Variants in SMIM10L3 observed in about 807,000 individuals in gnomAD.
The protein encoded by SMIM10L3 is salivary gland specific protein SAGSIN1.
the SMIM10L3 span, chr7:6,330,006 TGGGTG>T: frequency 4.2e-6 from 1 of 236,328 alleles, no homozygotes; most frequent in Non-Finnish European, 8.9e-6. Flanking sequence ...CCACTTCCAT[TGGGTG>T]ATCAGACAAG....
the SMIM10L3 span, among the ~76,000 whole-genome samples, chr7:6,346,286 G>A: frequency 6.6e-6 from 1 of 152,038 alleles, no homozygotes; most frequent in Non-Finnish European, 1.5e-5. Context: ...CCTCTAATCA[G>A]GTATAATTTC....
At chr7:6,334,265 G>A in the SMIM10L3 span, among the ~76,000 whole-genome samples, 1 of 151,482 alleles carries the variant, frequency 6.6e-6, no homozygotes, top group Non-Finnish European at 1.5e-5. Flanking sequence ...GCTGGGCGCA[G>A]TGGCTCACGC....
chr7:6,330,011 G>GGTCGCCGCATCATTAAAAAA, the SMIM10L3 span: 1 of 244,150 alleles, frequency 4.1e-6, no homozygotes, highest in Non-Finnish European at 8.5e-6. Context: ...TCCATTGGGT[G>GGTCGCCGCATCATTAAAAAA]ATCAGACAAG....
chr7:6,331,336 T>C, the SMIM10L3 span: 4 of 650,508 alleles, frequency 6.1e-6, no homozygotes, highest in Admixed American at 5.9e-5. Flanking sequence ...GAGATCTTTA[T>C]GACAGTCTCC....
chr7:6,342,983 G>A, the SMIM10L3 span, among the ~76,000 whole-genome samples: 1 of 151,528 alleles, frequency 6.6e-6, no homozygotes, highest in Non-Finnish European at 1.5e-5. Context: ...GCTGTAGTGA[G>A]CTATGATCGC....
chr7:6,348,505 G>C, the SMIM10L3 span: 1 of 411,804 alleles, frequency 2.4e-6, no homozygotes, highest in Non-Finnish European at 4.3e-6. Context: ...CTGCCGTGGC[G>C]TCTGCATCCC....
the SMIM10L3 span, among the ~76,000 whole-genome samples, chr7:6,342,336 G>A: frequency 8.6e-5 from 13 of 151,980 alleles, no homozygotes; most frequent in African/African-American, 2.9e-4. Flanking sequence ...CTTGAGCCCA[G>A]GAGCTGGAGA....
chr7:6,341,687 C>CAAA, the SMIM10L3 span, among the ~76,000 whole-genome samples: 60 of 110,712 alleles, frequency 5.4e-4, no homozygotes, highest in Non-Finnish European at 9.3e-4. Context: ...AAGACTCTGT[C>CAAA]AAAAAAAAAA....
At chr7:6,340,235 C>T in the SMIM10L3 span, among the ~76,000 whole-genome samples, 7 of 152,132 alleles carry the variant, frequency 4.6e-5, no homozygotes, top group African/African-American at 1.7e-4. Flanking sequence ...CCAGAATCTT[C>T]TCTGACTACT....
chr7:6,331,142 T>C, the SMIM10L3 span: 1 of 1,612,354 alleles, frequency 6.2e-7, no homozygotes, highest in South Asian at 1.1e-5. Context: ...AGGGGCCCTC[T>C]TCTGTCCCTC....
the SMIM10L3 span, among the ~76,000 whole-genome samples, chr7:6,340,964 C>T: frequency 2.1e-4 from 8 of 38,842 alleles, no homozygotes; most frequent in South Asian, 3.0e-3. Flanking sequence ...CCTGTCTCTA[C>T]TAAAAAAAAA....
At chr7:6,344,168 G>A in the SMIM10L3 span, among the ~76,000 whole-genome samples, 1 of 150,670 alleles carries the variant, frequency 6.6e-6, no homozygotes, top group Non-Finnish European at 1.5e-5. Context: ...AAAAAGGCGT[G>A]GGGCTGTCCC....
chr7:6,346,426 G>A, the SMIM10L3 span, among the ~76,000 whole-genome samples: 1 of 152,138 alleles, frequency 6.6e-6, no homozygotes, highest in Non-Finnish European at 1.5e-5. Flanking sequence ...GAGTGCAGTG[G>A]CACAATCTCG....
the SMIM10L3 span, among the ~76,000 whole-genome samples, chr7:6,333,550 G>A: frequency 6.6e-6 from 1 of 152,236 alleles, no homozygotes; most frequent in South Asian, 2.1e-4. Context: ...CCAGGCTGGA[G>A]GACAATGGCG....
At chr7:6,330,271 G>A in the SMIM10L3 span, 1 of 1,135,138 alleles carries the variant, frequency 8.8e-7, no homozygotes, top group Non-Finnish European at 1.2e-6. Context: ...CAAAACTACA[G>A]CAGGAACCTA....
At chr7:6,331,032 T>G in the SMIM10L3 span, 1 of 1,614,080 alleles carries the variant, frequency 6.2e-7, no homozygotes, top group Non-Finnish European at 8.5e-7. Context: ...AGGGTGCATC[T>G]GCAGGCCAAG....
At chr7:6,331,771 G>C in the SMIM10L3 span, among the ~76,000 whole-genome samples, 19 of 135,752 alleles carry the variant, frequency 1.4e-4, no homozygotes, top group Non-Finnish European at 2.5e-4. Flanking sequence ...ATGGCGTTTC[G>C]CTCTTTTTGC....
the SMIM10L3 span, among the ~76,000 whole-genome samples, chr7:6,346,629 C>T: frequency 6.6e-6 from 1 of 152,156 alleles, no homozygotes; most frequent in Non-Finnish European, 1.5e-5. Flanking sequence ...GACGCAGACA[C>T]CTTGGCCTCC....
chr7:6,331,050 C>A, the SMIM10L3 span: 7 of 1,613,750 alleles, frequency 4.3e-6, no homozygotes, highest in Non-Finnish European at 5.1e-6. Context: ...AAGGGCCCTC[C>A]GGCATTCTTT....
Sources: gnomAD v4.1 joint callset for allele counts (sites outside exome capture counted in the v4.1 genomes callset) on GRCh38, gnomAD v4.1.1 for gene constraint, MANE v1.5 for transcripts, NCBI Gene and HGNC (gene_info 2026-07-23, HGNC 2026-07-21) for gene names.